Variants in TSBP1 observed in about 807,000 individuals in gnomAD.
TSBP1 encodes the protein testis expressed basic protein 1.
Under a neutral mutation model 68.8 loss-of-function variants are expected in TSBP1, and 56 were observed. That is an observed-to-expected ratio of 0.81 (90% CI 0.66 to 1.02). The LOEUF is 1.02. Among genes scored for constraint, TSBP1 ranks in the 50% least tolerant of loss-of-function variants. The pLI, the probability that TSBP1 is intolerant of heterozygous loss-of-function variation, is 0.00. For synonymous variants in TSBP1, 171 were observed against 208.7 expected, an observed-to-expected ratio of 0.82 and a Z score of 1.56; for missense variants, 502 against 641.2, an observed-to-expected ratio of 0.78 and a Z score of 2.34.
intron 14 of TSBP1, 99 bp from the exon 16 acceptor site, chr6:32,332,153 G>A (rs1210526156): frequency 1.2e-6 from 1 of 836,680 alleles, no homozygotes; most frequent in East Asian, 2.5e-5. Context: ...GGTAGAGCAG[G>A]GGAGAGGAAG....
intron 19 of TSBP1, among the ~76,000 whole-genome samples, chr6:32,307,404 G>A (rs1338623638): frequency 3.3e-5 from 5 of 151,736 alleles, no homozygotes; most frequent in African/African-American, 1.2e-4. Context: ...TTGTTGCCTT[G>A]TGCTCAGAAA....
At position 32,337,801 on chromosome 6, in the gene TSBP1, T is replaced by C. The variant is rs531985113; in HGVS notation, c.410-1166A>G. 6.6e-6 allele frequency among the ~76,000 whole-genome samples: 1 copy of C among 152,306 alleles called. No individual in the cohort carries two copies. Among genetic ancestry groups the C allele is most frequent in the South Asian group, 2.1e-4 (1 of 4,824 alleles). On this transcript the variant is annotated intron_variant, in intron 11 of 22. Transcript: ENST00000612031. The surrounding 1 kb of genome is among the most constrained non-coding windows in gnomAD (Gnocchi z 5.5). Reference sequence around the variant, plus strand: ...ATGAGCCACTGTGCTTGGCCTAATATGTGCTTTTATGATACCTACCCAGTA... The same window carrying C: ...ATGAGCCACTGTGCTTGGCCTAATACGTGCTTTTATGATACCTACCCAGTA...
chr6:32,338,983 G>A lies in TSBP1; in HGVS notation c.405C>T (p.Ala135=). 1 of 1,611,480 alleles carries A rather than the reference G, an allele frequency of 6.2e-7. No individual in the cohort carries two copies. Among genetic ancestry groups the A allele is most frequent in the Non-Finnish European group, 8.5e-7 (1 of 1,178,666 alleles). The change falls in exon 11 of 23, where the codon GCC becomes GCT. Residue 135 remains alanine (A), a synonymous_variant. Coordinates refer to ENST00000612031, the Ensembl canonical transcript of TSBP1. The surrounding 1 kb of genome is among the most constrained non-coding windows in gnomAD (Gnocchi z 5.5). ...AAGGGCAGAAAAAGAACTTACTCATGGCTCCTGCAGTTCTGGCTAAAATAC... is the reference window on the plus strand; with the variant it reads ...AAGGGCAGAAAAAGAACTTACTCATAGCTCCTGCAGTTCTGGCTAAAATAC...
Position 32,365,195 on chromosome 6 carries a change from A to G in TSBP1, c.217+972T>C. The G allele has an allele frequency of 2.5e-6, 1 of 398,562 alleles. No individual in the cohort carries two copies. Among genetic ancestry groups the G allele is most frequent in the Non-Finnish European group, 5.0e-6 (1 of 200,510 alleles). The allele number at this position is 398,562 out of a possible 1,614,324, so 24.7% of individuals were successfully genotyped here. On this transcript the variant is annotated intron_variant, in intron 6 of 22. Coordinates refer to ENST00000612031, the Ensembl canonical transcript of TSBP1. The surrounding 1 kb of genome is among the most constrained non-coding windows in gnomAD (Gnocchi z 4.3). ...GCATGAACTACCACACCCAGGGTAG[A>G]TGGGATTTCTAAGATTGTGCTTTCT...
chr6:32,326,292 C>A (rs28394230), intron 16 of TSBP1: 45,729 of 698,490 alleles, frequency 0.065, 2,124 homozygotes, highest in East Asian at 0.2. Context: ...CTAGCTGGTA[C>A]AAAGAAGACA....
intron 9 of TSBP1, among the ~76,000 whole-genome samples, chr6:32,346,692 GC>G (rs1771033215): frequency 6.6e-6 from 1 of 152,104 alleles, no homozygotes; most frequent in Admixed American, 6.5e-5. Flanking sequence ...ACAAAAATTA[GC>G]TGGGTATTGT....
At chr6:32,323,534 T>C in intron 17 of TSBP1, 57 bp downstream of exon 18, 1 of 1,550,688 alleles carries the variant, frequency 6.4e-7, no homozygotes, top group Non-Finnish European at 8.9e-7. Flanking sequence ...TCTCTAAGCC[T>C]TGCAGGGAAC....
chr6:32,364,189 G>A (rs941096314), intron 6 of TSBP1, among the ~76,000 whole-genome samples: 1 of 152,102 alleles, frequency 6.6e-6, no homozygotes, highest in Non-Finnish European at 1.5e-5. Flanking sequence ...TAATGTCTTG[G>A]AGAAGTCTTC....
intron 22 of TSBP1, among the ~76,000 whole-genome samples, chr6:32,296,633 G>A (rs555602250): frequency 7.9e-5 from 12 of 152,300 alleles, no homozygotes; most frequent in African/African-American, 2.9e-4. Context: ...GTAAGATCAT[G>A]CTCCGCTGAA....
chr6:32,363,735 G>T (rs1773330951), intron 6 of TSBP1, among the ~76,000 whole-genome samples: 1 of 151,468 alleles, frequency 6.6e-6, no homozygotes. Context: ...TTAATATTTT[G>T]TCTTTTAACT....
chr6:32,354,595 T>C (rs1406314009), intron 8 of TSBP1, among the ~76,000 whole-genome samples: 1 of 152,158 alleles, frequency 6.6e-6, no homozygotes, highest in Non-Finnish European at 1.5e-5. Context: ...CCGGATAAAC[T>C]CTTTTCCATC....
rs1002768129 is a variant in TSBP1 at position 32,361,889 on chromosome 6, G to A, written c.217+4278C>T. ...ATCCTCAATGTGACAGCATTGAGAA[G>A]TGAGGCCTTAAAGAGGTGATTATAT... is the stretch of plus-strand genomic sequence containing the variant. On this transcript the variant is annotated intron_variant, in intron 6 of 22. Coordinates refer to ENST00000612031, the Ensembl canonical transcript of TSBP1. This position sits in a 1 kb window ranked among gnomAD's most constrained non-coding sequence, Gnocchi z 4.3. 6.6e-6 allele frequency among the ~76,000 whole-genome samples: 1 copy of A among 152,128 alleles called. No homozygotes were observed. Among genetic ancestry groups the A allele is most frequent in the Non-Finnish European group, 1.5e-5 (1 of 68,024 alleles).
intron 9 of TSBP1, among the ~76,000 whole-genome samples, chr6:32,346,914 G>A (rs552966116): frequency 2.6e-5 from 4 of 152,098 alleles, no homozygotes; most frequent in Non-Finnish European, 5.9e-5. Flanking sequence ...AATACTTTCA[G>A]GAGATCTATT....
At chr6:32,327,928 A>G (rs1768436204) in intron 16 of TSBP1, among the ~76,000 whole-genome samples, 1 of 151,148 alleles carries the variant, frequency 6.6e-6, no homozygotes, top group South Asian at 2.1e-4. Flanking sequence ...AGTACCTGGA[A>G]CTACAGGCAC....
chr6:32,312,824 C>T (rs1433632363), intron 19 of TSBP1, among the ~76,000 whole-genome samples: 1 of 143,584 alleles, frequency 7.0e-6, no homozygotes, highest in Non-Finnish European at 1.6e-5. Context: ...TTCCCACTTC[C>T]ACTCTGATCA....
chr6:32,366,538 T>A, intron 4 of TSBP1: 1 of 482,424 alleles, frequency 2.1e-6, no homozygotes, highest in Non-Finnish European at 3.7e-6. Context: ...CCGAGGCGGG[T>A]GGATCACGAG....
At chr6:32,351,480 G>A (rs1331040124) in intron 8 of TSBP1, among the ~76,000 whole-genome samples, 3 of 152,156 alleles carry the variant, frequency 2.0e-5, no homozygotes, top group Admixed American at 6.5e-5. Context: ...TTTAAGATCC[G>A]GGGCTAACTT....
chr6:32,298,606 C>T (rs2127560465), intron 22 of TSBP1, among the ~76,000 whole-genome samples: 1 of 152,212 alleles, frequency 6.6e-6, no homozygotes, highest in South Asian at 2.1e-4. Context: ...TTAATTGCCC[C>T]TTTCAACTTC....
In TSBP1 at chr6:32,322,509, GA is replaced by G; in HGVS notation, c.559+607del. On this transcript the variant is annotated intron_variant, in intron 18 of 22. Transcript: ENST00000612031. ...ACTTGCGGTTCTCTGTGAAATTACT[GA>G]AAAATAAGCAAACAGAAATCCATTT... 2 of 1,594,856 alleles carry G rather than the reference GA, an allele frequency of 1.3e-6. No homozygotes were observed. The highest frequency in any genetic ancestry group is 1.7e-6 in the Non-Finnish European group (2 of 1,162,968).
Sources: gnomAD v4.1 joint callset for allele counts (sites outside exome capture counted in the v4.1 genomes callset) on GRCh38, gnomAD v4.1.1 for gene constraint, Gnocchi (gnomAD v3.1) non-coding constraint, MANE v1.5 for transcripts, NCBI Gene and HGNC (gene_info 2026-07-23, HGNC 2026-07-21) for gene names.